PPP2R2B: variants seen among roughly 807,000 people sequenced by gnomAD.
PPP2R2B encodes the protein serine/threonine-protein phosphatase 2A 55 kDa regulatory subunit B beta isoform.
PPP2R2B carries 5 observed loss-of-function variants against 46.0 expected under a neutral mutation model. The ratio of observed to expected loss-of-function variants is 0.11; its 90% CI spans 0.06 to 0.23. The LOEUF (loss-of-function observed/expected upper bound fraction) is 0.23. Ranked by LOEUF, PPP2R2B falls within the 10% of genes least tolerant of loss-of-function variation. The pLI is 1.00. For synonymous variants in PPP2R2B, 215 were observed against 206.7 expected (o/e 1.04, Z -0.34); for missense variants, 367 against 575.0 (o/e 0.64, Z 3.70).
chr5:147,047,162 G>A (rs569474302), intron 1 of PPP2R2B, among the ~76,000 whole-genome samples: 1 of 152,058 alleles, frequency 6.6e-6, no homozygotes, highest in African/African-American at 2.4e-5. Context: ...CAAGCATAGA[G>A]AGGGATAGGG....
chr5:146,682,465 T>C (rs1056825042), intron 5 of PPP2R2B, among the ~76,000 whole-genome samples: 4 of 152,166 alleles, frequency 2.6e-5, no homozygotes, highest in African/African-American at 9.7e-5. Context: ...TAAGAAAGTA[T>C]AGTTATTATT....
intron 1 of PPP2R2B, among the ~76,000 whole-genome samples, chr5:146,987,465 T>C (rs1186087616): frequency 6.6e-6 from 1 of 152,024 alleles, no homozygotes; most frequent in Non-Finnish European, 1.5e-5. Context: ...AACTGAAATA[T>C]CCAAAAGACA....
chr5:146,651,260 T>C (rs1449963183), intron 5 of PPP2R2B, among the ~76,000 whole-genome samples: 4 of 152,154 alleles, frequency 2.6e-5, no homozygotes, highest in Non-Finnish European at 5.9e-5. Flanking sequence ...TCGTCCAAAT[T>C]CAGCCACTAA....
At chr5:146,748,502 C>A (rs1447373223) in intron 2 of PPP2R2B, among the ~76,000 whole-genome samples, 5 of 152,192 alleles carry the variant, frequency 3.3e-5, no homozygotes, top group African/African-American at 9.7e-5. Flanking sequence ...CAGTCCCCAT[C>A]CTTTCCTTAT....
At chr5:146,873,371 C>T (rs992108702) in intron 2 of PPP2R2B, among the ~76,000 whole-genome samples, 2 of 152,216 alleles carry the variant, frequency 1.3e-5, no homozygotes, top group African/African-American at 2.4e-5. Flanking sequence ...CCATCCTACA[C>T]AGCAGCCAGA....
At chr5:146,832,314 A>G (rs1758991856) in intron 2 of PPP2R2B, among the ~76,000 whole-genome samples, 1 of 150,852 alleles carries the variant, frequency 6.6e-6, no homozygotes, top group African/African-American at 2.4e-5. Flanking sequence ...ACCCAGAACA[A>G]CTTTCAGTCC....
chr5:146,735,457 C>T (rs148154234), intron 2 of PPP2R2B, among the ~76,000 whole-genome samples: 3 of 152,112 alleles, frequency 2.0e-5, no homozygotes, highest in African/African-American at 7.2e-5. Context: ...CATAATAATC[C>T]CAGAGCCTCA....
chr5:146,630,862 CA>C (rs1774379557), intron 7 of PPP2R2B, among the ~76,000 whole-genome samples: 1 of 152,204 alleles, frequency 6.6e-6, no homozygotes, highest in Admixed American at 6.5e-5. Flanking sequence ...TTAATCCTCA[CA>C]AGCACCCTAT....
chr5:146,778,649 G>T (rs1755329568), intron 2 of PPP2R2B, among the ~76,000 whole-genome samples: 1 of 152,078 alleles, frequency 6.6e-6, no homozygotes, highest in South Asian at 2.1e-4. Flanking sequence ...GATTTCCTTT[G>T]TTATCATGAG....
intron 1 of PPP2R2B, among the ~76,000 whole-genome samples, chr5:146,937,913 T>C (rs1236784319): frequency 2.0e-5 from 3 of 152,156 alleles, no homozygotes; most frequent in Non-Finnish European, 4.4e-5. Context: ...CCTAATTAAG[T>C]TTTTCTCAGC....
intron 1 of PPP2R2B, among the ~76,000 whole-genome samples, chr5:146,987,400 C>T (rs1341848966): frequency 6.6e-6 from 1 of 151,816 alleles, no homozygotes; most frequent in Non-Finnish European, 1.5e-5. Flanking sequence ...GATAAAACTA[C>T]TAAAAATAAT....
intron 5 of PPP2R2B, among the ~76,000 whole-genome samples, chr5:146,666,606 C>A (rs772288833): frequency 6.6e-6 from 1 of 152,156 alleles, no homozygotes; most frequent in East Asian, 1.9e-4. Context: ...CCTTTCTTTG[C>A]ACAACAGCAC....
At chr5:146,984,224 A>G (rs1383087742) in intron 1 of PPP2R2B, among the ~76,000 whole-genome samples, 4 of 152,186 alleles carry the variant, frequency 2.6e-5, no homozygotes, top group South Asian at 2.1e-4. Flanking sequence ...GAGACTTTGT[A>G]TGCTCTGACT....
rs902273834 is a variant in PPP2R2B, at chr5:146,702,546, T to G, written c.71-1404A>C. Among the ~76,000 whole-genome samples the G allele has an allele frequency of 2.0e-5, 3 of 152,252 alleles. No individual in the cohort carries two copies. In the South Asian group the frequency reaches 6.2e-4, roughly 31 times the overall value. Reference sequence around the variant, plus strand: ...TTAAAGGGGCAAGAGGCTATTCAGCTTAAGCTGATTGGGGCCATGATTGCC... The same window carrying G: ...TTAAAGGGGCAAGAGGCTATTCAGCGTAAGCTGATTGGGGCCATGATTGCC... On this transcript the variant is annotated intron_variant, in intron 2 of 9. Transcript: ENST00000394411.
chr5:146,770,626 T>C (rs1754793469), intron 2 of PPP2R2B, among the ~76,000 whole-genome samples: 1 of 152,192 alleles, frequency 6.6e-6, no homozygotes. Flanking sequence ...CAATGCACTA[T>C]GATACTAAGA....
At chr5:146,774,742 G>A (rs1755072655) in intron 2 of PPP2R2B, among the ~76,000 whole-genome samples, 1 of 151,634 alleles carries the variant, frequency 6.6e-6, no homozygotes, top group South Asian at 2.1e-4. Flanking sequence ...GCTTGAGCCT[G>A]GGAGATAGAG....
At chr5:146,592,079 G>T in intron 9 of PPP2R2B, 1 of 435,506 alleles carries the variant, frequency 2.3e-6, no homozygotes, top group Non-Finnish European at 4.6e-6. Context: ...GAGAGGGCTG[G>T]CTTCTTTTTC....
chr5:146,750,111 G>A (rs1582018341), intron 2 of PPP2R2B, among the ~76,000 whole-genome samples: 1 of 152,266 alleles, frequency 6.6e-6, no homozygotes, highest in East Asian at 1.9e-4. Flanking sequence ...GAACATATTT[G>A]TGTGGGTTTG....
intron 4 of PPP2R2B, among the ~76,000 whole-genome samples, chr5:146,691,529 G>A (rs1200104537): frequency 1.7e-4 from 26 of 152,144 alleles, no homozygotes; most frequent in Admixed American, 1.7e-3. Flanking sequence ...CATTTATTGA[G>A]CATTGAATAA....
Sources: gnomAD v4.1 joint callset for allele counts (sites outside exome capture counted in the v4.1 genomes callset) on GRCh38, gnomAD v4.1.1 for gene constraint, MANE v1.5 for transcripts, NCBI Gene and HGNC (gene_info 2026-07-23, HGNC 2026-07-21) for gene names.